LRMDA: variants seen among roughly 807,000 people sequenced by gnomAD.
LRMDA encodes the protein leucine rich melanocyte differentiation associated.
LRMDA carries 18 observed loss-of-function variants against 29.8 expected under a neutral mutation model. The ratio of observed to expected loss-of-function variants is 0.60; its 90% CI spans 0.42 to 0.90. LRMDA has a LOEUF of 0.90. Among genes scored for constraint, LRMDA ranks in the 40% least tolerant of loss-of-function variants. The pLI is 0.00. For missense variants in LRMDA, 273 were observed against 273.9 expected (o/e 1.00, Z 0.02); for synonymous variants, 125 against 109.4 (o/e 1.14, Z -0.89).
chr10:75,727,140 C>T (rs565916469), intron 2 of LRMDA, among the ~76,000 whole-genome samples: 3 of 152,258 alleles, frequency 2.0e-5, no homozygotes, highest in East Asian at 3.9e-4. Context: ...CCCTGGCGTT[C>T]GGGTTCTAGC....
intron 2 of LRMDA, among the ~76,000 whole-genome samples, chr10:75,545,111 T>C (rs1389375975): frequency 2.0e-5 from 3 of 152,092 alleles, no homozygotes; most frequent in African/African-American, 7.2e-5. Flanking sequence ...TGGGGTGGGG[T>C]GGTTGCTGCT....
At chr10:75,840,485 T>C (rs923073649) in intron 2 of LRMDA, among the ~76,000 whole-genome samples, 4 of 152,254 alleles carry the variant, frequency 2.6e-5, no homozygotes, top group African/African-American at 7.2e-5. Flanking sequence ...TAAATCCTCA[T>C]GGTCTGTTTG....
chr10:76,271,015 C>G (rs889137608), intron 5 of LRMDA, among the ~76,000 whole-genome samples: 1 of 152,230 alleles, frequency 6.6e-6, no homozygotes, highest in Non-Finnish European at 1.5e-5. Flanking sequence ...GAATAGCTGT[C>G]TCTTTCCCCC....
At chr10:76,185,653 C>T (rs1014313224) in intron 5 of LRMDA, among the ~76,000 whole-genome samples, 1 of 152,174 alleles carries the variant, frequency 6.6e-6, no homozygotes, top group South Asian at 2.1e-4. Flanking sequence ...CGTTGGTGTC[C>T]TCTTGTCCCT....
intron 5 of LRMDA, among the ~76,000 whole-genome samples, chr10:76,250,643 T>A (rs577125050): frequency 6.6e-6 from 1 of 152,342 alleles, no homozygotes; most frequent in South Asian, 2.1e-4. Flanking sequence ...TTCTTTCTGA[T>A]GAATAAGTAT....
chr10:76,095,672 C>A (rs1408098347), intron 5 of LRMDA, among the ~76,000 whole-genome samples: 1 of 152,096 alleles, frequency 6.6e-6, no homozygotes, highest in Non-Finnish European at 1.5e-5. Flanking sequence ...TTGTCAATAT[C>A]TTTTTGTTTT....
At chr10:75,766,589 G>T (rs1564562706) in intron 2 of LRMDA, among the ~76,000 whole-genome samples, 1 of 151,234 alleles carries the variant, frequency 6.6e-6, no homozygotes, top group Non-Finnish European at 1.5e-5. Flanking sequence ...TCTTTTTTTA[G>T]ATTTGCTAAA....
At chr10:76,489,289 A>G (rs759601775) in intron 6 of LRMDA, among the ~76,000 whole-genome samples, 4 of 151,828 alleles carry the variant, frequency 2.6e-5, no homozygotes, top group Non-Finnish European at 4.4e-5. Context: ...TAGATTTTCC[A>G]ATTTATTGGC....
chr10:75,906,173 T>G (rs540621204), intron 2 of LRMDA, among the ~76,000 whole-genome samples: 1 of 152,104 alleles, frequency 6.6e-6, no homozygotes, highest in African/African-American at 2.4e-5. Flanking sequence ...AATGAGAATA[T>G]AGGAATGAAA....
chr10:75,718,905 A>G (rs1262760877), intron 2 of LRMDA, among the ~76,000 whole-genome samples: 1 of 152,210 alleles, frequency 6.6e-6, no homozygotes, highest in African/African-American at 2.4e-5. Context: ...AAAGAGGACA[A>G]ATATCTCAGT....
chr10:76,054,587 T>C (rs768234212), intron 4 of LRMDA, among the ~76,000 whole-genome samples: 2 of 151,854 alleles, frequency 1.3e-5, no homozygotes, highest in Non-Finnish European at 2.9e-5. Context: ...CTAATACTGA[T>C]GTTTTCTTCA....
intron 2 of LRMDA, among the ~76,000 whole-genome samples, chr10:75,912,492 G>A (rs967067627): frequency 6.6e-6 from 1 of 152,200 alleles, no homozygotes; most frequent in African/African-American, 2.4e-5. Context: ...GAAAGGAAGG[G>A]CATTCCAGGC....
intron 2 of LRMDA, among the ~76,000 whole-genome samples, chr10:76,018,734 A>AT (rs1345400041): frequency 1.5e-5 from 2 of 135,940 alleles, no homozygotes; most frequent in Non-Finnish European, 3.2e-5. Context: ...TGTGCAGCTG[A>AT]TTTTTGTATT....
intron 2 of LRMDA, among the ~76,000 whole-genome samples, chr10:75,719,682 T>C (rs1480225925): frequency 6.6e-6 from 1 of 152,178 alleles, no homozygotes; most frequent in Non-Finnish European, 1.5e-5. Flanking sequence ...CACAGCATTG[T>C]GGGATTGTGG....
intron 6 of LRMDA, among the ~76,000 whole-genome samples, chr10:76,440,514 G>C (rs184857568): frequency 5.4e-5 from 8 of 149,326 alleles, no homozygotes; most frequent in Admixed American, 4.7e-4. Context: ...CTTTGCAACT[G>C]ATCTTGTACA....
chr10:75,844,091 A>G (rs1224478053), intron 2 of LRMDA, among the ~76,000 whole-genome samples: 2 of 152,170 alleles, frequency 1.3e-5, no homozygotes, highest in South Asian at 2.1e-4. Context: ...GATGGGCCTG[A>G]TGGTGCTGAG....
intron 6 of LRMDA, among the ~76,000 whole-genome samples, chr10:76,419,087 A>T (rs1349959559): frequency 6.6e-6 from 1 of 152,150 alleles, no homozygotes; most frequent in Non-Finnish European, 1.5e-5. Context: ...TTAACACATT[A>T]TTATCACCCA....
At chr10:75,894,794 A>G (rs1042093995) in intron 2 of LRMDA, among the ~76,000 whole-genome samples, 3 of 152,226 alleles carry the variant, frequency 2.0e-5, no homozygotes, top group African/African-American at 4.8e-5. Flanking sequence ...GGCAAGAGGC[A>G]ATGAAGAGGA....
intron 2 of LRMDA, among the ~76,000 whole-genome samples, chr10:75,473,227 A>G (rs1844746307): frequency 6.6e-6 from 1 of 152,368 alleles, no homozygotes; most frequent in South Asian, 2.1e-4. Flanking sequence ...TCAAAGGTGT[A>G]TACCAAAGTG....
Sources: allele counts gnomAD v4.1 joint callset (sites outside exome capture counted in the v4.1 genomes callset), GRCh38; gene constraint gnomAD v4.1.1; transcripts MANE v1.5; gene names NCBI Gene and HGNC (gene_info 2026-07-23, HGNC 2026-07-21).